The following NALF1 variants were observed in gnomAD, a reference collection of about 807,000 sequenced individuals.
NALF1 encodes family with sequence similarity 155 member A.
In NALF1, 3 loss-of-function variants were observed where a neutral mutation model predicts 48.4. The observed-to-expected ratio is 0.06, with a 90% CI of 0.03 to 0.16. NALF1 has a LOEUF of 0.16. Ranked by LOEUF, NALF1 falls within the 10% of genes least tolerant of loss-of-function variation. The pLI, the probability that NALF1 is intolerant of heterozygous loss-of-function variation, is 1.00. For synonymous variants in NALF1, 262 were observed against 245.7 expected (o/e 1.07, Z -0.62); for missense variants, 526 against 571.5 (o/e 0.92, Z 0.81).
intron 1 of NALF1, among the ~76,000 whole-genome samples, chr13:107,283,210 C>T (rs1442124664): frequency 6.6e-6 from 1 of 152,042 alleles, no homozygotes; most frequent in Non-Finnish European, 1.5e-5. Context: ...GGCTGTATTC[C>T]TTGGGAATAG....
chr13:107,323,255 T>G (rs1353378280), intron 1 of NALF1, among the ~76,000 whole-genome samples: 1 of 152,172 alleles, frequency 6.6e-6, no homozygotes, highest in Non-Finnish European at 1.5e-5. Flanking sequence ...TAAAAAACAT[T>G]GTATCTATAA....
intron 1 of NALF1, among the ~76,000 whole-genome samples, chr13:107,482,635 T>G (rs1885271029): frequency 6.6e-6 from 1 of 152,160 alleles, no homozygotes; most frequent in African/African-American, 2.4e-5. Context: ...AAATAGCCCA[T>G]TAAATTAATT....
chr13:107,574,147 TATATG>T, intron 1 of NALF1, among the ~76,000 whole-genome samples: 1 of 152,296 alleles, frequency 6.6e-6, no homozygotes, highest in South Asian at 2.1e-4. Flanking sequence ...CTTCTGCAAA[TATATG>T]AGATGAAAGA....
At chr13:107,630,650 G>A (rs1879811624) in intron 1 of NALF1, among the ~76,000 whole-genome samples, 1 of 152,024 alleles carries the variant, frequency 6.6e-6, no homozygotes, top group Non-Finnish European at 1.5e-5. Context: ...TCTAATAGGA[G>A]GTTTAGATAT....
At chr13:107,398,817 G>A (rs6492054) in intron 1 of NALF1, among the ~76,000 whole-genome samples, 23,183 of 152,132 alleles carry the variant, frequency 0.15, 1,864 homozygotes, top group South Asian at 0.25. Context: ...TTATCCAACT[G>A]TATGAGATGG....
intron 1 of NALF1, among the ~76,000 whole-genome samples, chr13:107,234,943 C>A (rs1337508555): frequency 6.6e-6 from 1 of 152,096 alleles, no homozygotes; most frequent in African/African-American, 2.4e-5. Flanking sequence ...TAACGAGCCA[C>A]AGTACAGCTC....
chr13:107,402,995 G>C (rs1883835045), intron 1 of NALF1, among the ~76,000 whole-genome samples: 1 of 151,950 alleles, frequency 6.6e-6, no homozygotes, highest in African/African-American at 2.4e-5. Flanking sequence ...CCTCAGCCAG[G>C]ACTCTGTAAG....
At chr13:107,506,119 G>A (rs939260230) in intron 1 of NALF1, among the ~76,000 whole-genome samples, 3 of 152,028 alleles carry the variant, frequency 2.0e-5, no homozygotes, top group South Asian at 2.1e-4. Flanking sequence ...GAATTATGAT[G>A]TAAAATACCT....
intron 1 of NALF1, among the ~76,000 whole-genome samples, chr13:107,691,044 G>A (rs942366497): frequency 5.3e-5 from 8 of 152,166 alleles, no homozygotes; most frequent in African/African-American, 1.7e-4. Flanking sequence ...GTCAAGGTAC[G>A]ATAAGGTCAC....
At chr13:107,450,534 C>G (rs541478850) in intron 1 of NALF1, among the ~76,000 whole-genome samples, 28 of 152,218 alleles carry the variant, frequency 1.8e-4, no homozygotes, top group African/African-American at 5.8e-4. Context: ...AAAAGGGAAG[C>G]ATTAAGTTTA....
chr13:107,463,480 G>T lies in NALF1; in HGVS notation c.916-252725C>A, dbSNP rs530732028. Among the ~76,000 whole-genome samples the T allele has an allele frequency of 3.3e-5, 5 of 152,312 alleles. No individual in the cohort carries two copies. In the South Asian group the frequency reaches 1.0e-3, roughly 32 times the overall value. ...ATAAAAAGCATGCATATCAAATTTT[G>T]AAATTTACTATGTAGGAGATACAGG... On this transcript the variant is annotated intron_variant, in intron 1 of 2. Transcript: ENST00000375915.
At chr13:107,478,580 G>A (rs910524271) in intron 1 of NALF1, among the ~76,000 whole-genome samples, 8 of 151,926 alleles carry the variant, frequency 5.3e-5, no homozygotes, top group Admixed American at 2.0e-4. Flanking sequence ...CGGATTTTTC[G>A]GAAAGTCAAA....
chr13:107,827,853 T>C (rs1879566717), intron 1 of NALF1, among the ~76,000 whole-genome samples: 1 of 152,116 alleles, frequency 6.6e-6, no homozygotes, highest in African/African-American at 2.4e-5. Context: ...TTTAAGAAAA[T>C]TTAAGTTGGG....
At chr13:107,557,031 G>C (rs887642092) in intron 1 of NALF1, among the ~76,000 whole-genome samples, 5 of 152,128 alleles carry the variant, frequency 3.3e-5, no homozygotes, top group Non-Finnish European at 7.4e-5. Context: ...TTATGATTTA[G>C]TGTACAACAG....
chr13:107,433,776 A>G (rs1390162461), intron 1 of NALF1, among the ~76,000 whole-genome samples: 1 of 152,154 alleles, frequency 6.6e-6, no homozygotes, highest in Non-Finnish European at 1.5e-5. Flanking sequence ...TTCCCTAGAG[A>G]TCATTTTTCA....
intron 1 of NALF1, among the ~76,000 whole-genome samples, chr13:107,794,878 T>G (rs776703966): frequency 2.0e-5 from 3 of 152,184 alleles, no homozygotes; most frequent in Non-Finnish European, 4.4e-5. Context: ...TTGGTTTATT[T>G]TAATAAAAGG....
chr13:107,704,588 T>A (rs1184363214), intron 1 of NALF1, among the ~76,000 whole-genome samples: 8 of 152,126 alleles, frequency 5.3e-5, no homozygotes, highest in Non-Finnish European at 5.9e-5. Flanking sequence ...TTTTATACAG[T>A]GTGGATTCTA....
intron 1 of NALF1, among the ~76,000 whole-genome samples, chr13:107,558,755 G>T (rs1877556044): frequency 6.6e-6 from 1 of 152,174 alleles, no homozygotes; most frequent in African/African-American, 2.4e-5. Flanking sequence ...TCTGTAGACT[G>T]AGTAAAGATG....
At chr13:107,828,606 T>TACACACACACACAC (rs60869824) in intron 1 of NALF1, among the ~76,000 whole-genome samples, 4 of 103,916 alleles carry the variant, frequency 3.8e-5, no homozygotes, top group Non-Finnish European at 1.0e-4. Flanking sequence ...TCTATATCTA[T>TACACACACACACAC]ACACACACAC....
Sources: gnomAD v4.1 joint callset for allele counts (sites outside exome capture counted in the v4.1 genomes callset) on GRCh38, gnomAD v4.1.1 for gene constraint, MANE v1.5 for transcripts, NCBI Gene and HGNC (gene_info 2026-07-23, HGNC 2026-07-21) for gene names.